ANXA2: variants seen among roughly 807,000 people sequenced by gnomAD.
ANXA2 encodes the protein annexin II.
A neutral mutation model predicts 47.3 loss-of-function variants in ANXA2; 28 were observed. The observed-to-expected ratio is 0.59, with a 90% confidence interval of 0.44 to 0.81. The LOEUF is 0.81. ANXA2 is among the 40% of genes least tolerant of loss of function. The pLI is 0.00. For synonymous variants in ANXA2, 172 were observed against 155.5 expected, an observed-to-expected ratio of 1.11 and a Z score of -0.79; for missense variants, 384 against 414.3, an observed-to-expected ratio of 0.93 and a Z score of 0.64.
chr15:60,366,521 G>A (rs1304895837), intron 3 of ANXA2, among the ~76,000 whole-genome samples: 6 of 151,070 alleles, frequency 4.0e-5, no homozygotes, highest in African/African-American at 7.3e-5. Flanking sequence ...GATGAGGAGC[G>A]TCTCTGCCCG....
At chr15:60,391,793 T>C (rs1290962419) in intron 1 of ANXA2, among the ~76,000 whole-genome samples, 1 of 152,178 alleles carries the variant, frequency 6.6e-6, no homozygotes, top group Non-Finnish European at 1.5e-5. Context: ...CACTACTCCT[T>C]TTCTGGCAGA....
At chr15:60,368,993 T>C (rs760621266) in intron 3 of ANXA2, among the ~76,000 whole-genome samples, 18 of 152,202 alleles carry the variant, frequency 1.2e-4, no homozygotes, top group Non-Finnish European at 2.5e-4. Context: ...TCTTTCTATT[T>C]CATAAGTGGA....
intron 5 of ANXA2, 41 bp from the exon 6 acceptor site, chr15:60,357,277 C>T (rs1266498632): frequency 2.0e-6 from 3 of 1,531,866 alleles, no homozygotes; most frequent in Non-Finnish European, 2.7e-6. Context: ...GGAAATGCTT[C>T]CCCACCATTA....
At position 60,364,675 on chromosome 15, in the gene ANXA2, G is replaced by C. The variant is rs1478778289; in HGVS notation, c.149-152C>G. The stretch of plus-strand genomic sequence containing the variant: ...CACCAAGATTTGTTCTATCTCTTTC[G>C]TCAGCATCCTCTACCCAATGTGTAC... On this transcript the variant is annotated intron_variant, in intron 3 of 12. Coordinates refer to ENST00000451270, the MANE Select transcript of ANXA2 (RefSeq NM_004039.3). The C allele has an allele frequency of 1.4e-5, 8 of 585,084 alleles. No individual in the cohort carries two copies. In the East Asian group the frequency reaches 2.2e-4, roughly 16 times the overall value. The allele number at this position is 585,084 out of a possible 1,614,324, so 36.2% of individuals were successfully genotyped here.
At chr15:60,357,772 C>T (rs991276936) in intron 5 of ANXA2, among the ~76,000 whole-genome samples, 4 of 147,748 alleles carry the variant, frequency 2.7e-5, no homozygotes, top group African/African-American at 1.0e-4. Flanking sequence ...CCAGCCTGGA[C>T]GACAGAGTAA....
chr15:60,357,865 C>CCTTTTGCTGTG (rs1230618495), intron 5 of ANXA2, among the ~76,000 whole-genome samples: 1 of 151,574 alleles, frequency 6.6e-6, no homozygotes, highest in Non-Finnish European at 1.5e-5. Flanking sequence ...CTGGCAATTG[C>CCTTTTGCTGTG]CTTTTGCTGT....
intron 5 of ANXA2, among the ~76,000 whole-genome samples, chr15:60,360,046 C>T (rs58175677): frequency 2.6e-5 from 4 of 152,264 alleles, no homozygotes; most frequent in East Asian, 1.9e-4. Flanking sequence ...CACCTGAGGT[C>T]GGGAGTTTGA....
intron 6 of ANXA2, among the ~76,000 whole-genome samples, chr15:60,356,577 T>C (rs1279787358): frequency 1.3e-5 from 2 of 152,194 alleles, no homozygotes; most frequent in African/African-American, 2.4e-5. Context: ...GATAATTACA[T>C]ATTATATATA....
At chr15:60,372,531 C>G (rs996388092) in intron 3 of ANXA2, among the ~76,000 whole-genome samples, 1 of 152,148 alleles carries the variant, frequency 6.6e-6, no homozygotes, top group African/African-American at 2.4e-5. Flanking sequence ...AAGGGGCCTG[C>G]TCTTACCTGA....
chr15:60,377,611 A>C (rs376656405), intron 3 of ANXA2, among the ~76,000 whole-genome samples: 178 of 152,296 alleles, frequency 1.2e-3, no homozygotes, highest in Middle Eastern at 3.4e-3. Context: ...AAAACACATA[A>C]CTAAATTTAA....
intron 11 of ANXA2, among the ~76,000 whole-genome samples, chr15:60,350,381 G>A (rs1895955267): frequency 6.6e-6 from 1 of 152,092 alleles, no homozygotes; most frequent in African/African-American, 2.4e-5. Context: ...CCTGACTCTT[G>A]CAGGCTTAGA....
At chr15:60,393,835 A>C (rs1376373452) in intron 1 of ANXA2, among the ~76,000 whole-genome samples, 3 of 152,186 alleles carry the variant, frequency 2.0e-5, no homozygotes, top group African/African-American at 2.4e-5. Flanking sequence ...AGGTCTGAGC[A>C]CAGTGCCTGG....
In ANXA2 at chr15:60,352,924, G is replaced by C. The variant is rs549439785; in HGVS notation, c.589-448C>G. On this transcript the variant is annotated intron_variant, in intron 8 of 12. Transcript: ENST00000451270. This position sits in a 1 kb window ranked among gnomAD's most constrained non-coding sequence, Gnocchi z 4.2. ...TCAGGGAGTGATGGAGCTGGAAAAGGAGCCCATCTCATCTCACTTTCAGTT... is the reference window on the plus strand; with the variant it reads ...TCAGGGAGTGATGGAGCTGGAAAAGCAGCCCATCTCATCTCACTTTCAGTT... 1.3e-5 allele frequency among the ~76,000 whole-genome samples: 2 copies of C among 152,240 alleles called. No individual in the cohort carries two copies. The highest frequency in any genetic ancestry group is 4.8e-5 in the African/African-American group (2 of 41,536).
chr15:60,397,905 G>A (rs767998091), intron 1 of ANXA2, 38 bp downstream of exon 1: 10 of 1,340,988 alleles, frequency 7.5e-6, no homozygotes, highest in Non-Finnish European at 9.6e-6. Context: ...CCGCTAGCTG[G>A]CGGCCCATCG....
chr15:60,367,202 G>A (rs1384217545), intron 3 of ANXA2, among the ~76,000 whole-genome samples: 6 of 71,456 alleles, frequency 8.4e-5, no homozygotes, highest in South Asian at 5.9e-4. Flanking sequence ...CAGCCGCCCC[G>A]TCCGGGAGGG....
chr15:60,357,235 C>A lies in ANXA2; in HGVS notation c.359G>T (p.Gly120Val). The part of the protein sequence containing the change: ...DASELKASMK[G>V]LGTDEDSLIE... ...GAGAGAGTCCTCGTCGGTTCCCAGC[C>A]CCTGTGAACCAGGAAGCACGAACAT... Residue 120 changes from glycine (G) to valine (V), a missense_variant and splice_region_variant, in exon 6 of 13, where the codon GGG (glycine) becomes GTG (valine). By Grantham distance (109) the Gly-to-Val change is moderately radical. Coordinates refer to ENST00000451270, the MANE Select transcript of ANXA2 (RefSeq NM_004039.3). The A allele has an allele frequency of 6.2e-7, 1 of 1,613,780 alleles. No homozygotes were observed. Among genetic ancestry groups the A allele is most frequent in the Admixed American group, 1.7e-5 (1 of 60,018 alleles).
chr15:60,354,866 C>T (rs2062404178), intron 7 of ANXA2, among the ~76,000 whole-genome samples: 2 of 152,084 alleles, frequency 1.3e-5, no homozygotes, highest in Admixed American at 1.3e-4. Context: ...TATGTGGAAA[C>T]AAATGTAAAG....
intron 4 of ANXA2, chr15:60,361,481 G>A (rs186999147): frequency 4.2e-4 from 74 of 177,524 alleles, no homozygotes; most frequent in African/African-American, 1.6e-3. Flanking sequence ...GTGGCCTCCC[G>A]ATATACTGTA....
intron 3 of ANXA2, among the ~76,000 whole-genome samples, chr15:60,367,294 C>T (rs2062636399): frequency 7.9e-6 from 1 of 126,494 alleles, no homozygotes; most frequent in Non-Finnish European, 1.7e-5. Flanking sequence ...GCCCGGCCAG[C>T]CGCCCCGTCC....
Sources: gnomAD v4.1 joint callset for allele counts (sites outside exome capture counted in the v4.1 genomes callset) on GRCh38, gnomAD v4.1.1 for gene constraint, Gnocchi (gnomAD v3.1) non-coding constraint, MANE v1.5 for transcripts, NCBI Gene and HGNC (gene_info 2026-07-23, HGNC 2026-07-21) for gene names.